Variants in FAR2 observed in about 807,000 individuals in gnomAD.
FAR2 encodes the protein epididymis secretory protein Li 81.
In FAR2, 19 loss-of-function variants were observed where a neutral mutation model predicts 56.0. The ratio of observed to expected loss-of-function variants is 0.34; its 90% CI spans 0.24 to 0.50. FAR2 has a LOEUF of 0.50. FAR2 is among the 20% of genes least tolerant of loss of function. FAR2 has a pLI of 0.98. For missense variants in FAR2, 508 were observed against 642.2 expected (o/e 0.79, Z 2.26); for synonymous variants, 219 against 218.8 (o/e 1.00, Z -0.01).
intron 2 of FAR2, among the ~76,000 whole-genome samples, chr12:29,288,543 T>A (rs766270811): frequency 6.6e-6 from 1 of 152,174 alleles, no homozygotes; most frequent in South Asian, 2.1e-4. Context: ...AAGAAAATTT[T>A]TTTTAGAAGA....
At chr12:29,325,523 A>G (rs569977425) in intron 10 of FAR2, among the ~76,000 whole-genome samples, 1 of 152,338 alleles carries the variant, frequency 6.6e-6, no homozygotes, top group South Asian at 2.1e-4. Flanking sequence ...CAGCAAATGT[A>G]AAAGAACAGA....
chr12:29,251,597 C>G lies in FAR2; in HGVS notation c.-38-18815C>G, dbSNP rs908250900. On this transcript the variant is annotated intron_variant, in intron 1 of 11. Transcript: ENST00000536681. ...TTTTCTCTAGTTCCAGAATGCATAA[C>G]TGGAAAAGATATCCTGAGCAACTGG... Among the ~76,000 whole-genome samples the G allele has an allele frequency of 2.6e-5, 4 of 152,162 alleles. No homozygotes were observed. The South Asian group carries it at 8.3e-4, about 31-fold the overall frequency.
chr12:29,269,216 G>A (rs142303740), intron 1 of FAR2, among the ~76,000 whole-genome samples: 5 of 152,204 alleles, frequency 3.3e-5, no homozygotes, highest in East Asian at 1.9e-4. Flanking sequence ...TGGGGGGGCC[G>A]TTCATAGGCC....
intron 1 of FAR2, among the ~76,000 whole-genome samples, chr12:29,169,560 A>G (rs1342025805): frequency 6.6e-6 from 1 of 152,214 alleles, no homozygotes; most frequent in Non-Finnish European, 1.5e-5. Flanking sequence ...CTGATTTCAG[A>G]AGCCTTTTCC....
chr12:29,204,802 T>C (rs1201487711), intron 1 of FAR2, among the ~76,000 whole-genome samples: 1 of 152,122 alleles, frequency 6.6e-6, no homozygotes, highest in Non-Finnish European at 1.5e-5. Flanking sequence ...TGCTACACAC[T>C]TTTAAACAAC....
intron 2 of FAR2, among the ~76,000 whole-genome samples, chr12:29,273,299 C>T (rs1228868448): frequency 6.6e-6 from 1 of 152,144 alleles, no homozygotes; most frequent in East Asian, 1.9e-4. Context: ...GGGCTCAGGA[C>T]CAGGGAGATC....
chr12:29,308,402 A>G (rs1949288548), intron 5 of FAR2, among the ~76,000 whole-genome samples: 1 of 152,050 alleles, frequency 6.6e-6, no homozygotes, highest in Admixed American at 6.6e-5. Flanking sequence ...CTTCCATAAA[A>G]CAGGACAGAT....
intron 1 of FAR2, among the ~76,000 whole-genome samples, chr12:29,210,154 T>C (rs1480680568): frequency 3.3e-5 from 5 of 152,166 alleles, no homozygotes. Context: ...GCTACAGAGC[T>C]AGGATCATGC....
At chr12:29,324,632 T>C (rs1949613597) in intron 10 of FAR2, among the ~76,000 whole-genome samples, 1 of 152,188 alleles carries the variant, frequency 6.6e-6, no homozygotes, top group Admixed American at 6.5e-5. Context: ...ACCCAGAATT[T>C]CATATCCAGC....
rs115117007 is a variant in FAR2 at position 29,210,571 on chromosome 12, C to T, written c.-38-59841C>T. Among the ~76,000 whole-genome samples the T allele has an allele frequency of 4.8e-3, 727 of 152,284 alleles. 5 individuals are homozygous for T. Among genetic ancestry groups the T allele is most frequent in the African/African-American group, 0.017 (699 of 41,554 alleles). ...TGGCAATAAGAATAGATGAATATTC[C>T]GCAGTGACTTAGGCTTTCTGTTACA... On this transcript the variant is annotated intron_variant, in intron 1 of 11. Transcript: ENST00000536681.
rs181408352 is a variant in FAR2 at position 29,257,460 on chromosome 12, C to G, written c.-38-12952C>G. ...CAGATAAGAGAATAAAAGCAGGCTGCCCAAGCCAGCAGTGGCAACCCGCTG... is the reference window on the plus strand; with the variant it reads ...CAGATAAGAGAATAAAAGCAGGCTGGCCAAGCCAGCAGTGGCAACCCGCTG... On this transcript the variant is annotated intron_variant, in intron 1 of 11. Transcript: ENST00000536681. Among the ~76,000 whole-genome samples, 1,103 of 152,276 alleles carry G rather than the reference C, an allele frequency of 7.2e-3. 14 individuals are homozygous for G. Among genetic ancestry groups the G allele is most frequent in the East Asian group, 0.028 (144 of 5,164 alleles).
chr12:29,247,161 T>C (rs1037660736), intron 1 of FAR2, among the ~76,000 whole-genome samples: 4 of 152,182 alleles, frequency 2.6e-5, no homozygotes, highest in African/African-American at 9.6e-5. Context: ...CTATATTATA[T>C]TGATTTGCAC....
At chr12:29,238,205 C>T (rs1349576382) in intron 1 of FAR2, among the ~76,000 whole-genome samples, 3 of 136,864 alleles carry the variant, frequency 2.2e-5, no homozygotes, top group Non-Finnish European at 5.0e-5. Flanking sequence ...TACATATATG[C>T]GTAAGGCCAG....
At chr12:29,266,514 T>C (rs1948518768) in intron 1 of FAR2, among the ~76,000 whole-genome samples, 1 of 151,878 alleles carries the variant, frequency 6.6e-6, no homozygotes, top group African/African-American at 2.4e-5. Flanking sequence ...AGAGGGATAG[T>C]GTTGAAGGGA....
intron 2 of FAR2, among the ~76,000 whole-genome samples, chr12:29,283,633 T>C (rs551467005): frequency 6.6e-6 from 1 of 152,350 alleles, no homozygotes; most frequent in South Asian, 2.1e-4. Flanking sequence ...TGATTCTAAG[T>C]ATTCAACATT....
At chr12:29,249,494 A>T (rs1179487533) in intron 1 of FAR2, among the ~76,000 whole-genome samples, 1 of 152,200 alleles carries the variant, frequency 6.6e-6, no homozygotes, top group Non-Finnish European at 1.5e-5. Context: ...TAAAACTTTG[A>T]GTTATTCATT....
chr12:29,234,968 A>C, intron 1 of FAR2, among the ~76,000 whole-genome samples: 1 of 152,134 alleles, frequency 6.6e-6, no homozygotes, highest in East Asian at 1.9e-4. Context: ...TATCTTGGAG[A>C]GTGTATGTTT....
At position 29,168,060 on chromosome 12, in the gene FAR2, G is replaced by A. The variant is rs534067064; in HGVS notation, c.-39+18653G>A. ...GATGAAATACAAATAGTTTTTTTAC[G>A]CAGGATTCCAGAAAGTAGCAGAGGG... is the stretch of plus-strand genomic sequence containing the variant. On this transcript the variant is annotated intron_variant, in intron 1 of 11. Coordinates refer to ENST00000536681, the MANE Select transcript of FAR2 (RefSeq NM_001271783.2). 8.3e-4 allele frequency among the ~76,000 whole-genome samples: 127 copies of A among 152,158 alleles called. 1 individual carries two copies. Among genetic ancestry groups the A allele is most frequent in the African/African-American group, 2.9e-3 (119 of 41,518 alleles).
At chr12:29,319,190 G>A (rs958196924) in intron 9 of FAR2, among the ~76,000 whole-genome samples, 5 of 151,750 alleles carry the variant, frequency 3.3e-5, no homozygotes, top group African/African-American at 1.2e-4. Context: ...GGGGTTTCAC[G>A]ATCTTGACCA....
Sources: allele counts gnomAD v4.1 joint callset (sites outside exome capture counted in the v4.1 genomes callset), GRCh38; gene constraint gnomAD v4.1.1; transcripts MANE v1.5; gene names NCBI Gene and HGNC (gene_info 2026-07-23, HGNC 2026-07-21).